The following KIAA1217 variants were observed in gnomAD, a reference collection of about 807,000 sequenced individuals.
The protein encoded by KIAA1217 is sickle tail protein homolog.
KIAA1217 carries 88 observed loss-of-function variants against 163.9 expected under a neutral mutation model. The ratio of observed to expected loss-of-function variants is 0.54; its 90% confidence interval spans 0.45 to 0.64. KIAA1217 has a LOEUF of 0.64. Among genes scored for constraint, KIAA1217 ranks in the 30% least tolerant of loss-of-function variants. The pLI is 0.00. For missense variants in KIAA1217, 2,372 were observed against 2,475.0 expected (o/e 0.96, Z 0.88); for synonymous variants, 903 against 923.1 (o/e 0.98, Z 0.39).
chr10:24,545,687 G>A, intron 20 of KIAA1217, 140 bp from the exon 21 acceptor site: 1 of 1,466,458 alleles, frequency 6.8e-7, no homozygotes, highest in Non-Finnish European at 9.0e-7. Flanking sequence ...AGCACAACAA[G>A]ACTTAGCTCA....
chr10:24,349,311 T>C (rs994191001), intron 2 of KIAA1217, among the ~76,000 whole-genome samples: 1 of 152,180 alleles, frequency 6.6e-6, no homozygotes, highest in African/African-American at 2.4e-5. Context: ...ATGTGTAATA[T>C]AGAAACAATC....
intron 2 of KIAA1217, among the ~76,000 whole-genome samples, chr10:24,075,174 C>T (rs1311799698): frequency 4.0e-5 from 6 of 151,240 alleles, no homozygotes; most frequent in African/African-American, 1.5e-4. Flanking sequence ...ACCCCTTCCT[C>T]ACATGCTCAC....
chr10:23,848,927 C>G (rs975114237), intron 1 of KIAA1217, among the ~76,000 whole-genome samples: 1 of 152,026 alleles, frequency 6.6e-6, no homozygotes, highest in Non-Finnish European at 1.5e-5. Flanking sequence ...TTACACATTG[C>G]TTTGAGTTAT....
intron 6 of KIAA1217, among the ~76,000 whole-genome samples, chr10:24,479,917 A>G (rs1363906834): frequency 6.6e-6 from 1 of 152,216 alleles, no homozygotes; most frequent in Non-Finnish European, 1.5e-5. Context: ...TGAGAACAGC[A>G]TGAGGCCCTT....
At chr10:23,874,717 T>C (rs1447946834) in intron 1 of KIAA1217, among the ~76,000 whole-genome samples, 1 of 151,970 alleles carries the variant, frequency 6.6e-6, no homozygotes, top group Non-Finnish European at 1.5e-5. Context: ...GATTCTAATG[T>C]TCAGCCAGAA....
chr10:24,452,949 AAAAG>A (rs2061499010), intron 5 of KIAA1217, among the ~76,000 whole-genome samples: 1 of 152,178 alleles, frequency 6.6e-6, no homozygotes, highest in South Asian at 2.1e-4. Context: ...AAAAATGAAA[AAAAG>A]AAAGAAAGAG....
At chr10:23,971,231 G>C (rs147662407) in intron 1 of KIAA1217, among the ~76,000 whole-genome samples, 1 of 152,322 alleles carries the variant, frequency 6.6e-6, no homozygotes, top group African/African-American at 2.4e-5. Flanking sequence ...TCCCTTACCA[G>C]TTGAATATTC....
rs538929079 is a variant in KIAA1217, at chr10:24,445,437, T to C, written c.846+6958T>C. The stretch of plus-strand genomic sequence containing the variant: ...AGGGTACATGTGCACAACGTGCAGG[T>C]TTGTTACATATGTATACATGTGCCA... On this transcript the variant is annotated intron_variant, in intron 5 of 20. Coordinates refer to ENST00000376454, the MANE Select transcript of KIAA1217 (RefSeq NM_019590.5). Among the ~76,000 whole-genome samples the C allele has an allele frequency of 4.5e-3, 678 of 152,022 alleles. 4 individuals carry two copies. Among genetic ancestry groups the C allele is most frequent in the African/African-American group, 0.016 (652 of 41,500 alleles).
intron 1 of KIAA1217, among the ~76,000 whole-genome samples, chr10:23,726,825 C>T (rs1235190007): frequency 6.6e-6 from 1 of 152,042 alleles, no homozygotes; most frequent in Non-Finnish European, 1.5e-5. Flanking sequence ...TACTAACTCT[C>T]TTAAATTACA....
In KIAA1217 at chr10:23,930,828, C is replaced by T. The variant is rs113881391; in HGVS notation, c.-320-76397C>T. On this transcript the variant is annotated intron_variant, in intron 1 of 18. Transcript: ENST00000376462. ...TGAGGCCTGGATTTCCTGCCCTTAA[C>T]AATCATGTGACCTTGTTGTATGTTT... Among the ~76,000 whole-genome samples, 803 of 152,280 alleles carry T rather than the reference C, an allele frequency of 5.3e-3. 8 individuals carry two copies. Among genetic ancestry groups the T allele is most frequent in the African/African-American group, 0.019 (771 of 41,558 alleles).
At position 24,380,995 on chromosome 10, in the gene KIAA1217, T is replaced by A. The variant is rs769376438; in HGVS notation, c.481T>A (p.Ser161Thr). ...TGAGGGGGATGCTCCAACCCCTTTT[T>A]CCAGAGGCAGCCGGACTCGTGCGAG... ...MSEGDAPTPF[S>T]RGSRTRASLP... Residue 161 changes from serine to threonine, a missense_variant, in exon 3 of 21, where the codon TCC becomes ACC. Physicochemically the swap from Ser to Thr is moderately conservative, Grantham distance 58. This residue lies in a region of KIAA1217 where 1,431 missense variants were observed against 1,470.3 expected (regional missense o/e 0.97). Transcript: ENST00000376454. 88 of 1,609,422 alleles carry A rather than the reference T, an allele frequency of 5.5e-5. 2 individuals carry two copies. The South Asian group carries it at 9.3e-4, about 17-fold the overall frequency.
intron 2 of KIAA1217, among the ~76,000 whole-genome samples, chr10:24,337,646 TTTTC>T (rs143174349): frequency 0.028 from 1,760 of 61,830 alleles, 43 homozygotes; most frequent in African/African-American, 0.14. Context: ...TTTTCTTTTC[TTTTC>T]TTTTTTTTTT....
chr10:24,081,555 T>C (rs1038825137), intron 2 of KIAA1217, among the ~76,000 whole-genome samples: 6 of 152,206 alleles, frequency 3.9e-5, no homozygotes, highest in African/African-American at 1.4e-4. Context: ...AGTTGGCTGT[T>C]TTCAGCTTCT....
intron 2 of KIAA1217, among the ~76,000 whole-genome samples, chr10:24,102,074 G>T (rs935406855): frequency 6.6e-6 from 1 of 152,106 alleles, no homozygotes; most frequent in African/African-American, 2.4e-5. Flanking sequence ...AAATCCAAAG[G>T]TGTAAAAATT....
intron 1 of KIAA1217, among the ~76,000 whole-genome samples, chr10:23,878,425 G>A (rs987827647): frequency 6.6e-6 from 1 of 151,876 alleles, no homozygotes; most frequent in African/African-American, 2.4e-5. Context: ...GGATATGGAA[G>A]ATTCAATCAT....
chr10:24,076,410 T>A lies in KIAA1217; in HGVS notation c.-171+69036T>A, dbSNP rs551553495. On this transcript the variant is annotated intron_variant, in intron 2 of 18. Transcript: ENST00000376462. ...TGTGGCCATGAAGAAAAGACATTTA[T>A]CCTTGGCATTCGTGGTCTGTGCCAC... is the stretch of plus-strand genomic sequence containing the variant. 2.0e-5 allele frequency among the ~76,000 whole-genome samples: 3 copies of A among 152,310 alleles called. No individual in the cohort carries two copies. In the South Asian group the frequency reaches 6.2e-4, roughly 32 times the overall value.
intron 1 of KIAA1217, among the ~76,000 whole-genome samples, chr10:23,883,063 T>G (rs1841019662): frequency 6.6e-6 from 1 of 151,892 alleles, no homozygotes; most frequent in South Asian, 2.1e-4. Context: ...ATGCACCATT[T>G]GTTAAAAACA....
intron 11 of KIAA1217, 121 bp downstream of exon 11, chr10:24,520,374 G>C: frequency 1.4e-6 from 2 of 1,381,674 alleles, no homozygotes; most frequent in Non-Finnish European, 2.0e-6. Flanking sequence ...ACATGTGCCA[G>C]GCATTGTTCT....
At chr10:23,801,522 G>A (rs370525758) in intron 1 of KIAA1217, among the ~76,000 whole-genome samples, 182 of 152,216 alleles carry the variant, frequency 1.2e-3, no homozygotes, top group African/African-American at 4.0e-3. Flanking sequence ...CTCCCTGATC[G>A]TCTGATAGTC....
Sources: allele counts gnomAD v4.1 joint callset (sites outside exome capture counted in the v4.1 genomes callset), GRCh38; gene constraint gnomAD v4.1.1; regional missense constraint gnomAD v4.1.1; transcripts MANE v1.5; gene names NCBI Gene and HGNC (gene_info 2026-07-23, HGNC 2026-07-21).